Variants in CACNA1G observed in about 807,000 individuals in gnomAD.
CACNA1G encodes calcium voltage-gated channel subunit alpha1 G, also known as voltage-dependent T-type calcium channel subunit alpha-1G.
A neutral mutation model predicts 219.4 loss-of-function variants in CACNA1G; 67 were observed. The observed-to-expected ratio is 0.31, with a 90% CI of 0.25 to 0.37. CACNA1G has a LOEUF of 0.37. Among genes scored for constraint, CACNA1G ranks in the 10% least tolerant of loss-of-function variants. The pLI, the probability that CACNA1G is intolerant of heterozygous loss-of-function variation, is 1.00. For synonymous variants in CACNA1G, 1,296 were observed against 1,345.3 expected (o/e 0.96, Z 0.80); for missense variants, 2,380 against 3,231.4 (o/e 0.74, Z 6.39).
At position 50,603,663 on chromosome 17, in the gene CACNA1G, C is replaced by T. The variant is rs1263226810; in HGVS notation, c.4169+464C>T. Among the ~76,000 whole-genome samples, 1 of 151,788 alleles carries T rather than the reference C, an allele frequency of 6.6e-6. No homozygotes were observed. Among genetic ancestry groups the T allele is most frequent in the Non-Finnish European group, 1.5e-5 (1 of 67,920 alleles). The stretch of plus-strand genomic sequence containing the variant: ...GTGACATTTCTCCTGACCAGGGATC[C>T]ACCCTCTCAGGAATCCCTTTCCAAT... On this transcript the variant is annotated intron_variant, in intron 21 of 37. Transcript: ENST00000359106. This position sits in a 1 kb window ranked among gnomAD's most constrained non-coding sequence, Gnocchi z 6.4.
rs1360932903 is a variant in CACNA1G at position 50,616,929 on chromosome 17, C to T, written c.5022-509C>T. Among the ~76,000 whole-genome samples the T allele has an allele frequency of 9.8e-5, 15 of 152,326 alleles. 1 individual carries two copies. The East Asian group carries it at 2.7e-3, about 27-fold the overall frequency. On this transcript the variant is annotated intron_variant, in intron 28 of 37. Transcript: ENST00000359106. ...AGTCATGGCTCACAGCAGCCTTGAC[C>T]TCCTGAGTTCAAGCTGTCCTTTCAC...
At chr17:50,569,009 TG>T (rs1303318951) in intron 2 of CACNA1G, 28 bp downstream of exon 2, 108 of 1,477,472 alleles carry the variant, frequency 7.3e-5, no homozygotes, top group African/African-American at 8.6e-5. Context: ...TGTGTGTGTG[TG>T]TGTGTTGTGT....
intron 17 of CACNA1G, 102 bp downstream of exon 17, chr17:50,599,961 C>A (rs1047425499): frequency 3.4e-5 from 40 of 1,178,732 alleles, no homozygotes; most frequent in Admixed American, 7.6e-5. Flanking sequence ...TCCAAGCCCA[C>A]GGAATATCAA....
At chr17:50,602,520 G>C (rs2046936817) in intron 19 of CACNA1G, among the ~76,000 whole-genome samples, 1 of 152,216 alleles carries the variant, frequency 6.6e-6, no homozygotes, top group African/African-American at 2.4e-5. Context: ...CTTAGGACGT[G>C]GGACGCAGAT....
At position 50,600,408 on chromosome 17, in the gene CACNA1G, C is replaced by T. The variant is rs2046381366; in HGVS notation, c.3691-318C>T. Among the ~76,000 whole-genome samples, 1 of 151,992 alleles carries T rather than the reference C, an allele frequency of 6.6e-6. No individual in the cohort carries two copies. Among genetic ancestry groups the T allele is most frequent in the Non-Finnish European group, 1.5e-5 (1 of 67,986 alleles). ...AGTGTTTGATAACTGATGCTGCTTCCCAGCTCAGCAGGGAGGACAGGCAGG... is the reference window on the plus strand; with the variant it reads ...AGTGTTTGATAACTGATGCTGCTTCTCAGCTCAGCAGGGAGGACAGGCAGG... On this transcript the variant is annotated intron_variant, in intron 17 of 37. Transcript: ENST00000359106. The surrounding 1 kb of genome is among the most constrained non-coding windows in gnomAD (Gnocchi z 4.1).
chr17:50,590,223 C>T (rs1020765009), intron 9 of CACNA1G, among the ~76,000 whole-genome samples: 1 of 152,108 alleles, frequency 6.6e-6, no homozygotes, highest in African/African-American at 2.4e-5. Context: ...GTTTGTGGCC[C>T]CTGAATCTGA....
intron 9 of CACNA1G, among the ~76,000 whole-genome samples, chr17:50,588,447 G>A (rs1185237500): frequency 8.2e-5 from 6 of 72,748 alleles, no homozygotes; most frequent in Non-Finnish European, 1.3e-4. Flanking sequence ...AGGAGGGTTT[G>A]CCGACTCCCG....
chr17:50,626,249 C>T lies in CACNA1G; in HGVS notation c.6632C>T (p.Thr2211Ile), dbSNP rs763256204. 6.2e-6 allele frequency: 10 copies of T among 1,613,654 alleles called. No individual in the cohort carries two copies. The East Asian group carries it at 2.2e-4, about 36-fold the overall frequency. Reference protein sequence around the residue: ...EPNWGKGPPETRSSLELDTEL... With the variant: ...EPNWGKGPPEIRSSLELDTEL... ...AACTGGGGCAAGGGCCCTCCAGAGA[C>T]CAGAAGCAGCTTAGAGTTGGACACG... is the stretch of plus-strand genomic sequence containing the variant. Residue 2211 changes from threonine (T) to isoleucine (I), a missense_variant, in exon 38 of 38, where the codon ACC becomes ATC. This residue lies in a region of CACNA1G where 672 missense variants were observed against 670.5 expected (regional missense o/e 1.00). Transcript: ENST00000359106. The surrounding 1 kb of genome is among the most constrained non-coding windows in gnomAD (Gnocchi z 4.3).
At chr17:50,622,306 CGT>C (rs1265415796) in intron 35 of CACNA1G, among the ~76,000 whole-genome samples, 5 of 152,060 alleles carry the variant, frequency 3.3e-5, no homozygotes, top group Non-Finnish European at 1.5e-5. Context: ...TCACTGTCCC[CGT>C]GTGTCCCTGC....
intron 23 of CACNA1G, 160 bp downstream of exon 23, chr17:50,606,183 A>T (rs1335794938): frequency 9.5e-7 from 1 of 1,054,906 alleles, no homozygotes; most frequent in South Asian, 1.3e-5. Context: ...CGCAAAGCCC[A>T]GTCCATCCCA....
rs969157812 is a variant in CACNA1G at position 50,623,570 on chromosome 17, C to T, written c.6061-337C>T. ...AGGGCTGGGGGCTGGGGGCTGCTCT[C>T]CCTTCTCTGGATACCTCCCCGCCCC... On this transcript the variant is annotated intron_variant, in intron 35 of 37. Transcript: ENST00000359106. 6.7e-4 allele frequency among the ~76,000 whole-genome samples: 101 copies of T among 151,414 alleles called. 1 individual carries two copies. Among genetic ancestry groups the T allele is most frequent in the African/African-American group, 2.4e-3 (100 of 41,236 alleles).
At chr17:50,623,412 C>G (rs1004299452) in intron 35 of CACNA1G, among the ~76,000 whole-genome samples, 3 of 151,652 alleles carry the variant, frequency 2.0e-5, no homozygotes, top group Non-Finnish European at 4.4e-5. Context: ...AGCCACTGTG[C>G]CTGGCCTGCT....
chr17:50,621,742 A>C lies in CACNA1G; in HGVS notation c.6008A>C (p.Asp2003Ala). 6.2e-7 allele frequency: 1 copy of C among 1,613,538 alleles called. No homozygotes were observed. Among genetic ancestry groups the C allele is most frequent in the Non-Finnish European group, 8.5e-7 (1 of 1,179,752 alleles). ...EPSCSLALTD[D>A]SLPDDMHTLL... ...TCCTGCTCTCTAGCTCTGACGGATGACTCTTTGCCTGATGACATGCACACA... is the reference window on the plus strand; with the variant it reads ...TCCTGCTCTCTAGCTCTGACGGATGCCTCTTTGCCTGATGACATGCACACA... Residue 2003 changes from aspartate (D) to alanine (A), a missense_variant, in exon 35 of 38, where the codon GAC becomes GCC. Coordinates refer to ENST00000359106, the MANE Select transcript of CACNA1G (RefSeq NM_018896.5). The surrounding 1 kb of genome is among the most constrained non-coding windows in gnomAD (Gnocchi z 4.6).
intron 9 of CACNA1G, among the ~76,000 whole-genome samples, chr17:50,586,103 T>C (rs940041175): frequency 6.6e-6 from 1 of 152,192 alleles, no homozygotes; most frequent in African/African-American, 2.4e-5. Flanking sequence ...CTCTCAGGCC[T>C]CCTGCCTGGA....
intron 1 of CACNA1G, chr17:50,563,575 G>A (rs78549188): frequency 0.077 from 11,754 of 152,258 alleles, 505 homozygotes; most frequent in Non-Finnish European, 0.11. Context: ...ATCTCTTCTC[G>A]CCTGCCCTAT....
intron 9 of CACNA1G, among the ~76,000 whole-genome samples, chr17:50,584,776 G>A (rs2042678507): frequency 6.6e-6 from 1 of 151,976 alleles, no homozygotes; most frequent in African/African-American, 2.4e-5. Flanking sequence ...GAGGGGCCAG[G>A]TGGGGAGTAG....
In CACNA1G at chr17:50,588,490, T is replaced by C. The variant is rs1387184133; in HGVS notation, c.2302-1981T>C. On this transcript the variant is annotated intron_variant, in intron 9 of 37. Transcript: ENST00000359106. ...GCAGACCGGACTTGGAAGTACAGAG[T>C]GGGGGGATCCACTTAGCCAGGTGGG... Among the ~76,000 whole-genome samples the C allele has an allele frequency of 5.3e-5, 8 of 151,996 alleles. No individual in the cohort carries two copies. The East Asian group carries it at 1.5e-3, about 29-fold the overall frequency.
chr17:50,623,990 C>T lies in CACNA1G; in HGVS notation c.6144C>T (p.Pro2048=). 1 of 1,613,310 alleles carries T rather than the reference C, an allele frequency of 6.2e-7. No individual in the cohort carries two copies. The highest frequency in any genetic ancestry group is 8.5e-7 in the Non-Finnish European group (1 of 1,179,864). ...GGGTCAGCCGAACGCACTCTCTGCC[C>T]AATGACAGCTACATGTGTCGGCATG... ...KSGVSRTHSL[P]NDSYMCRHGS... Residue 2048 remains proline, a synonymous_variant, in exon 36 of 38, where the codon CCC becomes CCT. Transcript: ENST00000359106.
intron 25 of CACNA1G, among the ~76,000 whole-genome samples, chr17:50,608,629 A>G (rs1437279998): frequency 6.6e-6 from 1 of 152,082 alleles, no homozygotes; most frequent in Non-Finnish European, 1.5e-5. Context: ...AAGTTCTGGA[A>G]TAACCTGGGG....
Sources: allele counts gnomAD v4.1 joint callset (sites outside exome capture counted in the v4.1 genomes callset), GRCh38; gene constraint gnomAD v4.1.1; regional missense constraint gnomAD v4.1.1; non-coding constraint Gnocchi (gnomAD v3.1); transcripts MANE v1.5; gene names NCBI Gene and HGNC (gene_info 2026-07-23, HGNC 2026-07-21).